Variants in ZNF423 observed in about 807,000 individuals in gnomAD.
ZNF423 encodes zinc finger protein 423.
ZNF423 carries 12 observed loss-of-function variants against 95.8 expected under a neutral mutation model. That is an observed-to-expected ratio of 0.13 (90% confidence interval 0.08 to 0.20). The LOEUF (loss-of-function observed/expected upper bound fraction) is 0.20. Ranked by LOEUF, ZNF423 falls within the 10% of genes least tolerant of loss-of-function variation. The pLI is 1.00. For synonymous variants in ZNF423, 749 were observed against 711.9 expected (o/e 1.05, Z -0.83); for missense variants, 1,316 against 1,737.1 (o/e 0.76, Z 4.31).
At chr16:49,797,617 C>T (rs1235137221) in intron 1 of ZNF423, among the ~76,000 whole-genome samples, 1 of 152,212 alleles carries the variant, frequency 6.6e-6, no homozygotes, top group Non-Finnish European at 1.5e-5. Flanking sequence ...AAGCTAAAAC[C>T]ACCCAACACC....
rs1211753866 is a variant in ZNF423 at position 49,636,747 on chromosome 16, G to A, written c.2429C>T (p.Thr810Ile). The A allele has an allele frequency of 6.2e-7, 1 of 1,614,088 alleles. No homozygotes were observed. Residue 810 changes from threonine (T) to isoleucine (I), a missense_variant, in exon 4 of 8, where the codon ACA becomes ATA. By Grantham distance (89) the Thr-to-Ile change is moderately conservative. Coordinates refer to ENST00000563137, the MANE Select transcript of ZNF423 (RefSeq NM_001379286.1). This position sits in a 1 kb window ranked among gnomAD's most constrained non-coding sequence, Gnocchi z 8.6. ...TEVELQCHIT[T>I]HSKKYNCKFC... Reference sequence around the variant, plus strand: ...CTTACAGTTATACTTCTTGCTGTGTGTGGTGATGTGGCACTGCAGCTCCAC... The same window carrying A: ...CTTACAGTTATACTTCTTGCTGTGTATGGTGATGTGGCACTGCAGCTCCAC...
intron 5 of ZNF423, among the ~76,000 whole-genome samples, chr16:49,618,420 G>A (rs1236358633): frequency 6.6e-6 from 1 of 152,158 alleles, no homozygotes. Context: ...ATCCCCACGT[G>A]TCGAGAGAGG....
At chr16:49,499,247 A>C (rs1466780437) in intron 7 of ZNF423, among the ~76,000 whole-genome samples, 2 of 152,240 alleles carry the variant, frequency 1.3e-5, no homozygotes, top group African/African-American at 4.8e-5. Flanking sequence ...TCTTCCATGC[A>C]CGGGATGTGC....
At chr16:49,778,971 G>C (rs752000998) in intron 2 of ZNF423, among the ~76,000 whole-genome samples, 7 of 152,180 alleles carry the variant, frequency 4.6e-5, no homozygotes, top group Non-Finnish European at 8.8e-5. Context: ...AAATGACAGG[G>C]AGGTTTAGTA....
chr16:49,562,819 G>A (rs915471372), intron 5 of ZNF423, among the ~76,000 whole-genome samples: 4 of 151,766 alleles, frequency 2.6e-5, no homozygotes, highest in African/African-American at 7.3e-5. Flanking sequence ...TTGCTCTGTC[G>A]TCAGGCTGGA....
intron 3 of ZNF423, among the ~76,000 whole-genome samples, chr16:49,663,487 G>A (rs887146824): frequency 6.6e-5 from 10 of 152,136 alleles, no homozygotes; most frequent in South Asian, 2.1e-4. Context: ...TTGGCATGCC[G>A]CCCCTGTGAC....
At chr16:49,769,754 C>T (rs180877002) in intron 2 of ZNF423, among the ~76,000 whole-genome samples, 1 of 149,556 alleles carries the variant, frequency 6.7e-6, no homozygotes, top group Non-Finnish European at 1.5e-5. Flanking sequence ...ACGCTCCCCC[C>T]ACCACCTCAT....
intron 5 of ZNF423, among the ~76,000 whole-genome samples, chr16:49,529,433 T>C (rs1968755325): frequency 1.3e-5 from 2 of 152,222 alleles, no homozygotes; most frequent in South Asian, 4.1e-4. Flanking sequence ...GTGTTAATTT[T>C]ACACTTCATT....
chr16:49,507,684 C>T (rs1456703669), intron 7 of ZNF423, among the ~76,000 whole-genome samples: 1 of 152,210 alleles, frequency 6.6e-6, no homozygotes, highest in Non-Finnish European at 1.5e-5. Flanking sequence ...TACTTTAATG[C>T]CCAGGTCCCA....
intron 1 of ZNF423, among the ~76,000 whole-genome samples, chr16:49,815,163 C>A (rs2034817531): frequency 6.6e-6 from 1 of 152,090 alleles, no homozygotes; most frequent in African/African-American, 2.4e-5. Flanking sequence ...TAAAATGGGT[C>A]AAAGAGGGCC....
At chr16:49,736,715 A>G (rs1167081233) in intron 2 of ZNF423, among the ~76,000 whole-genome samples, 2 of 152,218 alleles carry the variant, frequency 1.3e-5, no homozygotes, top group African/African-American at 4.8e-5. Context: ...GGATCGTTTC[A>G]GCCCAGGAGT....
At chr16:49,678,527 G>A (rs2031219111) in intron 3 of ZNF423, among the ~76,000 whole-genome samples, 1 of 152,198 alleles carries the variant, frequency 6.6e-6, no homozygotes, top group African/African-American at 2.4e-5. Flanking sequence ...TGGGCAAGAT[G>A]TCAGGGAACT....
chr16:49,593,731 C>T (rs1002691744), intron 5 of ZNF423, among the ~76,000 whole-genome samples: 2 of 152,152 alleles, frequency 1.3e-5, no homozygotes, highest in African/African-American at 2.4e-5. Context: ...CTCCGAGAAG[C>T]CCCCAAGACC....
At chr16:49,532,302 G>C (rs1333479471) in intron 5 of ZNF423, among the ~76,000 whole-genome samples, 1 of 152,184 alleles carries the variant, frequency 6.6e-6, no homozygotes, top group African/African-American at 2.4e-5. Flanking sequence ...CCCAGTGCCA[G>C]GGGCTCTCCA....
chr16:49,655,168 C>T (rs1453172648), intron 3 of ZNF423, among the ~76,000 whole-genome samples: 1 of 152,112 alleles, frequency 6.6e-6, no homozygotes, highest in East Asian at 1.9e-4. Flanking sequence ...GGAGCCATGG[C>T]TGAAGCTTGG....
intron 5 of ZNF423, among the ~76,000 whole-genome samples, chr16:49,610,875 A>C (rs1403162370): frequency 6.6e-6 from 1 of 152,086 alleles, no homozygotes; most frequent in Non-Finnish European, 1.5e-5. Flanking sequence ...CTATATTAAT[A>C]TTATATAATG....
intron 3 of ZNF423, chr16:49,730,427 A>G (rs993826732): frequency 3.0e-5 from 10 of 335,376 alleles, no homozygotes; most frequent in African/African-American, 2.1e-4. Context: ...AAGCTGCTTA[A>G]CTTTGCACTA....
At chr16:49,823,903 C>T (rs930256795) in intron 1 of ZNF423, among the ~76,000 whole-genome samples, 4 of 151,964 alleles carry the variant, frequency 2.6e-5, no homozygotes, top group African/African-American at 9.7e-5. Flanking sequence ...CGAGACCAGC[C>T]TGGGCAATAT....
At chr16:49,515,977 A>T (rs1419322187) in intron 7 of ZNF423, among the ~76,000 whole-genome samples, 2 of 152,156 alleles carry the variant, frequency 1.3e-5, no homozygotes, top group Admixed American at 1.3e-4. Context: ...GAGGCTGGGA[A>T]TGCAAGGCCA....
Sources: allele counts gnomAD v4.1 joint callset (sites outside exome capture counted in the v4.1 genomes callset), GRCh38; gene constraint gnomAD v4.1.1; non-coding constraint Gnocchi (gnomAD v3.1); transcripts MANE v1.5; gene names NCBI Gene and HGNC (gene_info 2026-07-23, HGNC 2026-07-21).